RBFOX1: variants seen among roughly 807,000 people sequenced by gnomAD.
RBFOX1 encodes RNA binding fox-1 homolog 1, also known as RNA binding protein fox-1 homolog 1.
In RBFOX1, 8 loss-of-function variants were observed where a neutral mutation model predicts 57.7. That is an observed-to-expected ratio of 0.14 (90% CI 0.08 to 0.25). The LOEUF (loss-of-function observed/expected upper bound fraction) is 0.25, where lower values mean the gene tolerates loss of function less well. Ranked by LOEUF, RBFOX1 falls within the 10% of genes least tolerant of loss-of-function variation. The pLI is 1.00. For synonymous variants in RBFOX1, 326 were observed against 222.4 expected (o/e 1.47, Z -4.15); for missense variants, 611 against 548.5 (o/e 1.11, Z -1.14).
chr16:5,858,665 T>C (rs1461950333), intron 3 of RBFOX1, among the ~76,000 whole-genome samples: 2 of 152,216 alleles, frequency 1.3e-5, no homozygotes, highest in Non-Finnish European at 2.9e-5. Context: ...TGAGAGTTAT[T>C]AAGAGAAACC....
chr16:6,660,370 C>CGGAT (rs1185568417), intron 3 of RBFOX1, among the ~76,000 whole-genome samples: 2 of 152,152 alleles, frequency 1.3e-5, no homozygotes, highest in Non-Finnish European at 2.9e-5. Flanking sequence ...CAAACCTGCA[C>CGGAT]ATCCCGCACA....
chr16:5,396,749 G>T (rs1054900974), intron 1 of RBFOX1, among the ~76,000 whole-genome samples: 1 of 152,202 alleles, frequency 6.6e-6, no homozygotes, highest in African/African-American at 2.4e-5. Context: ...TAGAAAGATC[G>T]AAGATAAATG....
At chr16:6,061,586 A>G (rs1257590965) in intron 1 of RBFOX1, among the ~76,000 whole-genome samples, 2 of 151,704 alleles carry the variant, frequency 1.3e-5, no homozygotes, top group Non-Finnish European at 2.9e-5. Flanking sequence ...TATATGTGCT[A>G]TATTTACTAT....
intron 4 of RBFOX1, among the ~76,000 whole-genome samples, chr16:7,169,837 A>G (rs1003090009): frequency 1.8e-4 from 27 of 152,096 alleles, no homozygotes; most frequent in Non-Finnish European, 5.9e-5. Context: ...TGGCAGGGCC[A>G]AAGCAGGCTG....
At chr16:7,543,264 C>T (rs911207341) in intron 5 of RBFOX1, among the ~76,000 whole-genome samples, 2 of 152,208 alleles carry the variant, frequency 1.3e-5, no homozygotes, top group Admixed American at 6.5e-5. Context: ...TCTGGCCTGA[C>T]ACATGACTTC....
chr16:6,653,927 G>T (rs1174793195), intron 2 of RBFOX1, among the ~76,000 whole-genome samples: 1 of 149,688 alleles, frequency 6.7e-6, no homozygotes, highest in Non-Finnish European at 1.5e-5. Context: ...CGAGTGTGTA[G>T]ATGATTGATG....
chr16:6,533,389 C>G (rs547240323), intron 2 of RBFOX1, among the ~76,000 whole-genome samples: 2 of 152,282 alleles, frequency 1.3e-5, no homozygotes, highest in South Asian at 2.1e-4. Context: ...TGGGTAGAAA[C>G]TCCCTGCTAA....
intron 3 of RBFOX1, among the ~76,000 whole-genome samples, chr16:5,733,301 G>A (rs750177777): frequency 6.6e-6 from 1 of 152,242 alleles, no homozygotes; most frequent in East Asian, 1.9e-4. Context: ...CAAAGACCTC[G>A]TAAACGCTAG....
chr16:7,026,151 G>T (rs192903503), intron 3 of RBFOX1, among the ~76,000 whole-genome samples: 66 of 152,254 alleles, frequency 4.3e-4, no homozygotes, highest in African/African-American at 1.5e-3. Flanking sequence ...CTCCCTCTGC[G>T]TGGGGTCTCC....
At chr16:6,625,944 A>G (rs777520361) in intron 2 of RBFOX1, among the ~76,000 whole-genome samples, 1 of 152,186 alleles carries the variant, frequency 6.6e-6, no homozygotes, top group Non-Finnish European at 1.5e-5. Context: ...ATAATACTTG[A>G]GAGCTCATTG....
intron 2 of RBFOX1, among the ~76,000 whole-genome samples, chr16:5,573,479 G>A (rs1024364250): frequency 6.6e-6 from 1 of 152,216 alleles, no homozygotes; most frequent in Admixed American, 6.5e-5. Context: ...CTGAGACATT[G>A]TATTGTAGTA....
chr16:6,994,262 A>G (rs1256870040), intron 3 of RBFOX1, among the ~76,000 whole-genome samples: 1 of 152,176 alleles, frequency 6.6e-6, no homozygotes, highest in Non-Finnish European at 1.5e-5. Context: ...GTTTTATCTA[A>G]TGGAATTCTG....
At chr16:6,159,180 G>A (rs565655040) in intron 1 of RBFOX1, among the ~76,000 whole-genome samples, 5 of 152,216 alleles carry the variant, frequency 3.3e-5, no homozygotes, top group East Asian at 3.9e-4. Flanking sequence ...AGGTTCAAGC[G>A]ACTCTCCTGC....
intron 3 of RBFOX1, among the ~76,000 whole-genome samples, chr16:5,644,875 A>T (rs1192976646): frequency 6.6e-6 from 1 of 152,140 alleles, no homozygotes; most frequent in Non-Finnish European, 1.5e-5. Context: ...TTGTCTGAAT[A>T]CCTGTTTTTA....
chr16:5,417,353 G>A (rs1373680523), intron 1 of RBFOX1, among the ~76,000 whole-genome samples: 1 of 152,180 alleles, frequency 6.6e-6, no homozygotes, highest in African/African-American at 2.4e-5. Context: ...GACATTTTAG[G>A]TAATTCAGTA....
At chr16:6,474,622 C>T (rs2095244568) in intron 2 of RBFOX1, among the ~76,000 whole-genome samples, 1 of 152,126 alleles carries the variant, frequency 6.6e-6, no homozygotes, top group African/African-American at 2.4e-5. Flanking sequence ...GGTGTGGTGC[C>T]CCAAGTGGGG....
intron 10 of RBFOX1, among the ~76,000 whole-genome samples, chr16:7,615,418 C>G (rs1263936180): frequency 6.6e-6 from 1 of 152,134 alleles, no homozygotes; most frequent in Non-Finnish European, 1.5e-5. Flanking sequence ...ATGTTGAGAA[C>G]TTTACATATA....
intron 14 of RBFOX1, among the ~76,000 whole-genome samples, chr16:7,688,161 G>A (rs530809635): frequency 3.2e-4 from 49 of 151,394 alleles, no homozygotes; most frequent in Non-Finnish European, 6.9e-4. Flanking sequence ...CATCTACCAG[G>A]CCAGAAGACC....
intron 3 of RBFOX1, among the ~76,000 whole-genome samples, chr16:5,619,571 G>A (rs745696500): frequency 1.1e-4 from 17 of 152,132 alleles, no homozygotes; most frequent in Non-Finnish European, 2.4e-4. Flanking sequence ...GACTGCCTCC[G>A]GACAGAGCTT....
Sources: allele counts gnomAD v4.1 joint callset (sites outside exome capture counted in the v4.1 genomes callset), GRCh38; gene constraint gnomAD v4.1.1; transcripts MANE v1.5; gene names NCBI Gene and HGNC (gene_info 2026-07-23, HGNC 2026-07-21).